RAB38: variants seen among roughly 807,000 people sequenced by gnomAD.
The protein encoded by RAB38 is RAB38, member RAS oncogene family, also known as ras-related protein Rab-38.
In RAB38, 15 loss-of-function variants were observed where a neutral mutation model predicts 18.4. That is an observed-to-expected ratio of 0.82 (90% CI 0.55 to 1.26). The LOEUF (loss-of-function observed/expected upper bound fraction) is 1.26, where lower values mean the gene tolerates loss of function less well. RAB38 is among the 50% of genes most tolerant of loss of function. The pLI, the probability that RAB38 is intolerant of heterozygous loss-of-function variation, is 0.00. For synonymous variants in RAB38, 101 were observed against 104.4 expected (o/e 0.97, Z 0.20); for missense variants, 294 against 267.4 (o/e 1.10, Z -0.69).
chr11:88,044,920 G>C, the RAB38 span, among the ~76,000 whole-genome samples: 13 of 151,854 alleles, frequency 8.6e-5, no homozygotes, highest in African/African-American at 2.7e-4. Context: ...CCTCACACCC[G>C]GTCTGGCTTA....
At chr11:88,095,370 A>G in the RAB38 span, among the ~76,000 whole-genome samples, 1 of 151,756 alleles carries the variant, frequency 6.6e-6, no homozygotes, top group South Asian at 2.1e-4. Context: ...CTACTGATAG[A>G]CCCACTGATA....
At chr11:87,892,897 TATC>T in the RAB38 span, among the ~76,000 whole-genome samples, 3 of 151,808 alleles carry the variant, frequency 2.0e-5, no homozygotes, top group Non-Finnish European at 4.4e-5. Context: ...TTATTAAAAT[TATC>T]ATATTACCTT....
the RAB38 span, among the ~76,000 whole-genome samples, chr11:88,003,988 T>C: frequency 8.5e-6 from 1 of 118,172 alleles, no homozygotes; most frequent in Admixed American, 9.6e-5. Context: ...TGCATATAGG[T>C]ATATATATAT....
At chr11:88,170,875 GT>G (rs1268263008) in intron 1 of RAB38, among the ~76,000 whole-genome samples, 2 of 152,110 alleles carry the variant, frequency 1.3e-5, no homozygotes, top group Non-Finnish European at 2.9e-5. Flanking sequence ...ACTGGATTGG[GT>G]TTTTTTATTA....
chr11:88,070,445 A>T, the RAB38 span, among the ~76,000 whole-genome samples: 1 of 152,218 alleles, frequency 6.6e-6, no homozygotes, highest in African/African-American at 2.4e-5. Context: ...TCATTCTTGA[A>T]GTCAGTGAGA....
the RAB38 span, among the ~76,000 whole-genome samples, chr11:87,973,343 C>T: frequency 6.6e-6 from 1 of 151,998 alleles, no homozygotes; most frequent in South Asian, 2.1e-4. Context: ...GAAAGAATAG[C>T]TGCATAAGAC....
chr11:88,128,314 T>C (rs1942728922), intron 2 of RAB38, among the ~76,000 whole-genome samples: 1 of 152,268 alleles, frequency 6.6e-6, no homozygotes. Context: ...TTGTCTAATG[T>C]AGTTAAACTT....
chr11:88,158,351 C>T (rs1457759258), intron 1 of RAB38, among the ~76,000 whole-genome samples: 4 of 151,944 alleles, frequency 2.6e-5, no homozygotes, highest in African/African-American at 9.7e-5. Flanking sequence ...ACCAGACATA[C>T]AAAAAAGACT....
the RAB38 span, among the ~76,000 whole-genome samples, chr11:88,055,400 G>A: frequency 6.6e-6 from 1 of 152,128 alleles, no homozygotes. Context: ...CAGATACACA[G>A]TAACATGAAT....
intron 1 of RAB38, among the ~76,000 whole-genome samples, chr11:88,168,668 AT>A (rs11294377): frequency 0.84 from 127,157 of 151,954 alleles, 53,575 homozygotes; most frequent in Middle Eastern, 0.93. Flanking sequence ...TTAAAACTGC[AT>A]TTTTATATAA....
the RAB38 span, among the ~76,000 whole-genome samples, chr11:87,822,400 T>G: frequency 4.6e-5 from 7 of 152,324 alleles, no homozygotes; most frequent in Admixed American, 3.9e-4. Context: ...TTACAGTTTC[T>G]GTGGGCCAAG....
At chr11:87,869,830 T>C in the RAB38 span, among the ~76,000 whole-genome samples, 1 of 151,500 alleles carries the variant, frequency 6.6e-6, no homozygotes, top group African/African-American at 2.4e-5. Context: ...AGATGAGCAG[T>C]ATTATTTTAT....
At chr11:88,013,311 AT>A in the RAB38 span, among the ~76,000 whole-genome samples, 110 of 152,122 alleles carry the variant, frequency 7.2e-4, no homozygotes, top group African/African-American at 2.5e-3. Flanking sequence ...TGAGGAACAT[AT>A]TTTGTTTGTT....
the RAB38 span, among the ~76,000 whole-genome samples, chr11:87,888,368 C>A: frequency 6.6e-6 from 1 of 151,840 alleles, no homozygotes; most frequent in African/African-American, 2.4e-5. Context: ...TGTGAACAGC[C>A]AGAAAAAGTG....
the RAB38 span, among the ~76,000 whole-genome samples, chr11:88,019,242 T>C: frequency 1.3e-5 from 2 of 152,158 alleles, no homozygotes; most frequent in African/African-American, 4.8e-5. Flanking sequence ...AGTTTCTCTA[T>C]CTTTGTAAAT....
At chr11:87,974,307 G>C in the RAB38 span, among the ~76,000 whole-genome samples, 2 of 151,204 alleles carry the variant, frequency 1.3e-5, no homozygotes, top group Non-Finnish European at 3.0e-5. Context: ...GAACCAAATG[G>C]AAATGAAAAC....
At chr11:87,967,964 G>T in the RAB38 span, among the ~76,000 whole-genome samples, 1 of 152,100 alleles carries the variant, frequency 6.6e-6, no homozygotes, top group Non-Finnish European at 1.5e-5. Flanking sequence ...GGATGGATAT[G>T]TCTTCTTATT....
At chr11:87,846,691 T>C in the RAB38 span, among the ~76,000 whole-genome samples, 2,291 of 152,158 alleles carry the variant, frequency 0.015, 60 homozygotes, top group African/African-American at 0.052. Flanking sequence ...TATAATGAAC[T>C]GCTTTAATTA....
chr11:88,150,089 C>A (rs980194784), intron 1 of RAB38, 134 bp from the exon 2 acceptor site: 8 of 925,250 alleles, frequency 8.6e-6, no homozygotes, highest in Non-Finnish European at 1.3e-5. Flanking sequence ...CTTTAAAGAG[C>A]GAACTAAATA....
Sources: allele counts gnomAD v4.1 joint callset (sites outside exome capture counted in the v4.1 genomes callset), GRCh38; gene constraint gnomAD v4.1.1; transcripts MANE v1.5; gene names NCBI Gene and HGNC (gene_info 2026-07-23, HGNC 2026-07-21).